COL4A6: variants seen among roughly 807,000 people sequenced by gnomAD.
The protein encoded by COL4A6 is collagen type IV alpha 6 chain, also known as collagen alpha-6(IV) chain.
A neutral mutation model predicts 126.7 loss-of-function variants in COL4A6; 59 were observed. The observed-to-expected ratio is 0.47, with a 90% CI of 0.38 to 0.58. The LOEUF is 0.58. Among genes scored for constraint, COL4A6 ranks in the 20% least tolerant of loss-of-function variants. The pLI is 0.00. For missense variants in COL4A6, 1,285 were observed against 1,337.3 expected, an observed-to-expected ratio of 0.96 and a Z score of 0.61; for synonymous variants, 547 against 496.6, an observed-to-expected ratio of 1.10 and a Z score of -1.35.
intron 3 of COL4A6, among the ~76,000 whole-genome samples, chrX:108,270,975 A>C (rs1460369875): frequency 8.9e-6 from 1 of 112,054 alleles, no homozygotes; most frequent in East Asian, 2.8e-4. Context: ...GGCTTAGAGC[A>C]AAAGGAGATA....
intron 8 of COL4A6, among the ~76,000 whole-genome samples, chrX:108,207,314 T>C (rs1320547253): frequency 6.9e-5 from 7 of 100,888 alleles, no homozygotes; most frequent in South Asian, 5.1e-4. Context: ...ACAACACACA[T>C]TGGGGCCTGT....
In COL4A6 at chrX:108,171,421, T is replaced by G; in HGVS notation, c.3243A>C (p.Gly1081=). ...CAGATTCGCCAGGCTGTCCCTTGGG[T>G]CCTGGGCTACCGGAAATTTCAACTG... ...GQTVEISGSP[G]PKGQPGESGF... The change falls in exon 33 of 45, where the codon GGA becomes GGC. Residue 1081 remains glycine, a synonymous_variant. Coordinates refer to ENST00000334504, the MANE Select transcript of COL4A6 (RefSeq NM_033641.4). 8.3e-7 allele frequency: 1 copy of G among 1,211,287 alleles called. No homozygotes were observed. The highest frequency in any genetic ancestry group is 2.2e-5 in the Admixed American group (1 of 45,954).
At chrX:108,215,757 C>A (rs780669345) in intron 5 of COL4A6, among the ~76,000 whole-genome samples, 3 of 111,525 alleles carry the variant, frequency 2.7e-5, no homozygotes, top group African/African-American at 9.8e-5. Context: ...TCAGAGGACT[C>A]CAGTAATTAC....
At chrX:108,426,738 A>AG (rs1400084559) in intron 2 of COL4A6, among the ~76,000 whole-genome samples, 2 of 112,453 alleles carry the variant, frequency 1.8e-5, no homozygotes, top group Non-Finnish European at 3.8e-5. Context: ...ACAATGAATG[A>AG]GGGGAAAATA....
chrX:108,221,034 G>C (rs746114428), intron 4 of COL4A6: 2 of 491,320 alleles, frequency 4.1e-6, no homozygotes, highest in South Asian at 2.4e-5. Flanking sequence ...AGAAGCAGAG[G>C]TTGCAGTGAG....
At chrX:108,332,272 A>G (rs1049761309) in intron 2 of COL4A6, among the ~76,000 whole-genome samples, 1 of 111,640 alleles carries the variant, frequency 9.0e-6, no homozygotes, top group Non-Finnish European at 1.9e-5. Context: ...GGTTGATTCC[A>G]TGACTTTGCT....
intron 13 of COL4A6, among the ~76,000 whole-genome samples, chrX:108,201,125 A>T (rs2035379158): frequency 9.0e-6 from 1 of 111,662 alleles, no homozygotes; most frequent in Non-Finnish European, 1.9e-5. Flanking sequence ...GAATCATCAT[A>T]GAAGGAACCT....
At chrX:108,438,846 T>C (rs2064324326), upstream of COL4A6, among the ~76,000 whole-genome samples, 1 of 112,374 alleles carries the variant, frequency 8.9e-6, no homozygotes, top group Non-Finnish European at 1.9e-5. Flanking sequence ...CCTCGTGAAA[T>C]AGATCCAAAA....
At chrX:108,403,698 GT>G (rs1392905083) in intron 2 of COL4A6, among the ~76,000 whole-genome samples, 1 of 111,047 alleles carries the variant, frequency 9.0e-6, no homozygotes. Context: ...TATATCCCTA[GT>G]TTTTTCAACA....
At chrX:108,174,077 C>T (rs1048336701) in intron 31 of COL4A6, among the ~76,000 whole-genome samples, 2 of 112,223 alleles carry the variant, frequency 1.8e-5, no homozygotes, top group Non-Finnish European at 1.9e-5. Context: ...CAGACCCACA[C>T]AGAAGCAACT....
intron 2 of COL4A6, among the ~76,000 whole-genome samples, chrX:108,325,359 T>A (rs761138341): frequency 8.9e-6 from 1 of 112,032 alleles, no homozygotes; most frequent in Non-Finnish European, 1.9e-5. Context: ...GGCAAGACTT[T>A]ATCTTTGGTG....
At chrX:108,437,072 C>A (rs1392249801) in intron 2 of COL4A6, among the ~76,000 whole-genome samples, 1 of 111,700 alleles carries the variant, frequency 9.0e-6, no homozygotes, top group African/African-American at 3.2e-5. Context: ...TAGTACTCAA[C>A]AATTGAACAA....
intron 2 of COL4A6, among the ~76,000 whole-genome samples, chrX:108,423,450 T>C (rs184605913): frequency 9.3e-4 from 104 of 112,054 alleles, no homozygotes; most frequent in African/African-American, 3.2e-3. Flanking sequence ...GTAAATCCCA[T>C]TATTTCACAA....
At chrX:108,411,870 G>A (rs1346434983) in intron 2 of COL4A6, among the ~76,000 whole-genome samples, 1 of 110,656 alleles carries the variant, frequency 9.0e-6, no homozygotes, top group African/African-American at 3.3e-5. Context: ...TTTTCCTCTG[G>A]TGCTGTTTGA....
intron 3 of COL4A6, among the ~76,000 whole-genome samples, chrX:108,277,699 C>A (rs926092317): frequency 8.9e-6 from 1 of 112,177 alleles, no homozygotes; most frequent in African/African-American, 3.2e-5. Flanking sequence ...CAAGTGGGTC[C>A]CTGACCCCTG....
At chrX:108,298,630 A>T (rs1305171600) in intron 3 of COL4A6, among the ~76,000 whole-genome samples, 1 of 110,350 alleles carries the variant, frequency 9.1e-6, no homozygotes, top group Non-Finnish European at 1.9e-5. Context: ...CCAGGGCGGG[A>T]TCAGGTTCCC....
intron 10 of COL4A6, 51 bp from the exon 11 acceptor site, chrX:108,205,531 C>T: frequency 8.9e-7 from 1 of 1,120,364 alleles, no homozygotes; most frequent in Non-Finnish European, 1.2e-6. Flanking sequence ...ACTAAATAAG[C>T]TCTGGGAACT....
intron 5 of COL4A6, among the ~76,000 whole-genome samples, chrX:108,215,083 C>A (rs1470785442): frequency 1.8e-5 from 2 of 111,593 alleles, no homozygotes; most frequent in Non-Finnish European, 3.8e-5. Flanking sequence ...TCCCCCCTGC[C>A]GATGCAAACA....
intron 2 of COL4A6, among the ~76,000 whole-genome samples, chrX:108,320,014 A>G (rs1342229171): frequency 8.9e-6 from 1 of 111,786 alleles, no homozygotes; most frequent in African/African-American, 3.3e-5. Flanking sequence ...GACAGGTGGG[A>G]AGGCAGAATA....
Sources: gnomAD v4.1 joint callset for allele counts (sites outside exome capture counted in the v4.1 genomes callset) on GRCh38, gnomAD v4.1.1 for gene constraint, MANE v1.5 for transcripts, NCBI Gene and HGNC (gene_info 2026-07-23, HGNC 2026-07-21) for gene names.